The following IL1RAPL1 variants were observed in gnomAD, a reference collection of about 807,000 sequenced individuals.
IL1RAPL1 encodes the protein interleukin 1 receptor accessory protein like 1.
IL1RAPL1 carries 3 observed loss-of-function variants against 48.4 expected under a neutral mutation model. The ratio of observed to expected loss-of-function variants is 0.06; its 90% CI spans 0.03 to 0.16. IL1RAPL1 has a LOEUF of 0.16. Among genes scored for constraint, IL1RAPL1 ranks in the 10% least tolerant of loss-of-function variants. The pLI, the probability that IL1RAPL1 is intolerant of heterozygous loss-of-function variation, is 1.00. For synonymous variants in IL1RAPL1, 185 were observed against 187.7 expected, an observed-to-expected ratio of 0.99 and a Z score of 0.12; for missense variants, 349 against 530.6, an observed-to-expected ratio of 0.66 and a Z score of 3.36.
rs144243719 is a variant in IL1RAPL1, at chrX:29,609,244, A to C, written c.704-59186A>C. 9.4e-3 allele frequency among the ~76,000 whole-genome samples: 1,051 copies of C among 111,993 alleles called. 12 individuals are homozygous for C. The highest frequency in any genetic ancestry group is 0.033 in the African/African-American group (1,012 of 30,822). On this transcript the variant is annotated intron_variant, in intron 5 of 10. Transcript: ENST00000378993. ...AAATTTGAGGTATTATAAAAATCTT[A>C]TAATGGCCTATCCCGGATCTAAGCT...
chrX:29,274,326 C>G (rs1468531219), intron 2 of IL1RAPL1, among the ~76,000 whole-genome samples: 1 of 111,818 alleles, frequency 8.9e-6, no homozygotes, highest in East Asian at 2.8e-4. Context: ...AATCTGTTTA[C>G]AATATATTAT....
chrX:29,080,997 TC>T (rs1569232804), intron 2 of IL1RAPL1, among the ~76,000 whole-genome samples: 959 of 46,352 alleles, frequency 0.021, 59 homozygotes, highest in African/African-American at 0.08. Context: ...TCTTTCTTTC[TC>T]TCTCTCTCTC....
intron 1 of IL1RAPL1, among the ~76,000 whole-genome samples, chrX:28,737,203 TTCTCTTTCTTTC>T (rs1935848297): frequency 6.0e-5 from 4 of 66,140 alleles, no homozygotes; most frequent in African/African-American, 1.3e-4. Context: ...CTTTCTTTCT[TTCTCTTTCTTTC>T]TTTCTTTCTT....
At chrX:29,445,627 C>T (rs907976868) in intron 5 of IL1RAPL1, among the ~76,000 whole-genome samples, 1 of 111,951 alleles carries the variant, frequency 8.9e-6, no homozygotes, top group African/African-American at 3.2e-5. Context: ...ATAGTTGTTA[C>T]AAGAGAAAAC....
At chrX:29,459,661 G>A (rs1463749158) in intron 5 of IL1RAPL1, among the ~76,000 whole-genome samples, 3 of 111,630 alleles carry the variant, frequency 2.7e-5, no homozygotes, top group Admixed American at 9.5e-5. Context: ...CAAAAATACT[G>A]TATATAATTG....
At chrX:29,685,371 T>A (rs1926585673) in intron 6 of IL1RAPL1, among the ~76,000 whole-genome samples, 1 of 110,177 alleles carries the variant, frequency 9.1e-6, no homozygotes, top group South Asian at 3.9e-4. Context: ...CGCATGGTGG[T>A]GGGCACCTGT....
chrX:28,919,332 C>G (rs1016570013), intron 2 of IL1RAPL1, among the ~76,000 whole-genome samples: 1 of 112,060 alleles, frequency 8.9e-6, no homozygotes, highest in Non-Finnish European at 1.9e-5. Context: ...TCTCTGTAGT[C>G]GTAGTTTATT....
intron 2 of IL1RAPL1, among the ~76,000 whole-genome samples, chrX:28,836,373 A>ATATATATATAT (rs1569183041): frequency 8.5e-5 from 8 of 94,024 alleles, no homozygotes; most frequent in African/African-American, 4.2e-4. Flanking sequence ...TGACAGAGAG[A>ATATATATATAT]GAGAGAGAGA....
chrX:29,854,980 G>A (rs762646030), intron 6 of IL1RAPL1, among the ~76,000 whole-genome samples: 7 of 111,291 alleles, frequency 6.3e-5, no homozygotes, highest in African/African-American at 2.3e-4. Flanking sequence ...GCAGGCATTT[G>A]TATACCTCTT....
intron 5 of IL1RAPL1, among the ~76,000 whole-genome samples, chrX:29,421,035 A>C (rs2147705081): frequency 8.9e-6 from 1 of 111,952 alleles, no homozygotes; most frequent in Non-Finnish European, 1.9e-5. Context: ...CAGCTCTGGT[A>C]ATTCATTCAT....
At chrX:28,929,309 C>A (rs999797732) in intron 2 of IL1RAPL1, among the ~76,000 whole-genome samples, 1 of 111,695 alleles carries the variant, frequency 9.0e-6, no homozygotes, top group Non-Finnish European at 1.9e-5. Context: ...AATATTATAA[C>A]CTTATGCTAC....
At position 29,380,691 on chromosome X, in the gene IL1RAPL1, G is replaced by T. The variant is rs746869458; in HGVS notation, c.363-15567G>T. Among the ~76,000 whole-genome samples, 6 of 112,312 alleles carry T rather than the reference G, an allele frequency of 5.3e-5. No individual in the cohort carries two copies. The Admixed American group carries it at 5.7e-4, about 11-fold the overall frequency. ...AAATAAATGCAATATTTACCTTGTT[G>T]CTTTGTATACCACCTGCACACCAGT... On this transcript the variant is annotated intron_variant, in intron 3 of 10. Transcript: ENST00000378993.
At chrX:29,315,981 G>A (rs747607615) in intron 3 of IL1RAPL1, among the ~76,000 whole-genome samples, 9 of 111,811 alleles carry the variant, frequency 8.0e-5, no homozygotes, top group Admixed American at 7.6e-4. Flanking sequence ...GGAGCAGTAG[G>A]TCTAGGATGT....
intron 3 of IL1RAPL1, among the ~76,000 whole-genome samples, chrX:29,309,233 A>T (rs897248339): frequency 3.6e-5 from 4 of 111,948 alleles, no homozygotes; most frequent in Admixed American, 2.8e-4. Flanking sequence ...ACTCAACTTT[A>T]TTGAAATGAA....
At chrX:28,826,577 C>T (rs1467808242) in intron 2 of IL1RAPL1, among the ~76,000 whole-genome samples, 2 of 111,268 alleles carry the variant, frequency 1.8e-5, no homozygotes, top group Non-Finnish European at 3.8e-5. Context: ...CCTGCCATCC[C>T]CTTGCAACAG....
intron 5 of IL1RAPL1, among the ~76,000 whole-genome samples, chrX:29,615,275 TACG>T (rs1924251858): frequency 8.9e-6 from 1 of 112,075 alleles, no homozygotes; most frequent in African/African-American, 3.2e-5. Flanking sequence ...GGCCTAATAT[TACG>T]ACTTTTCCAA....
At chrX:29,389,181 C>A (rs1933822607) in intron 3 of IL1RAPL1, among the ~76,000 whole-genome samples, 1 of 109,084 alleles carries the variant, frequency 9.2e-6, no homozygotes, top group Non-Finnish European at 1.9e-5. Flanking sequence ...ACGGTGAAAC[C>A]CCATCTCTAC....
chrX:29,581,586 GCA>G (rs1922961754), intron 5 of IL1RAPL1, among the ~76,000 whole-genome samples: 1 of 111,838 alleles, frequency 8.9e-6, no homozygotes, highest in African/African-American at 3.3e-5. Flanking sequence ...ACCTAGCTTT[GCA>G]GGCACATCAA....
At chrX:28,942,090 T>C (rs975643531) in intron 2 of IL1RAPL1, 16 of 110,054 alleles carry the variant, frequency 1.5e-4, no homozygotes, top group African/African-American at 5.2e-4. Context: ...AAGAGGGCTT[T>C]ATATGCTGAG....
Sources: gnomAD v4.1 joint callset for allele counts (sites outside exome capture counted in the v4.1 genomes callset) on GRCh38, gnomAD v4.1.1 for gene constraint, MANE v1.5 for transcripts, NCBI Gene and HGNC (gene_info 2026-07-23, HGNC 2026-07-21) for gene names.